FOXP1: variants seen among roughly 807,000 people sequenced by gnomAD.
The protein encoded by FOXP1 is forkhead box P1.
Under a neutral mutation model 98.2 loss-of-function variants are expected in FOXP1, and 15 were observed. The observed-to-expected ratio is 0.15, with a 90% CI of 0.10 to 0.24. The LOEUF (loss-of-function observed/expected upper bound fraction) is 0.24. FOXP1 is among the 10% of genes least tolerant of loss of function. The pLI is 1.00. For missense variants in FOXP1, 633 were observed against 848.5 expected, an observed-to-expected ratio of 0.75 and a Z score of 3.15; for synonymous variants, 371 against 314.5, an observed-to-expected ratio of 1.18 and a Z score of -1.90.
intron 4 of FOXP1, among the ~76,000 whole-genome samples, chr3:71,343,007 AGAG>A (rs1438706425): frequency 6.6e-6 from 1 of 152,240 alleles, no homozygotes; most frequent in East Asian, 1.9e-4. Flanking sequence ...GAAGGTGGTA[AGAG>A]GAGCTACTTC....
chr3:71,542,070 A>G (rs761984938), intron 2 of FOXP1: 3 of 528,902 alleles, frequency 5.7e-6, no homozygotes, highest in Non-Finnish European at 1.2e-5. Context: ...AAAACATTAA[A>G]CTGGCTTATA....
chr3:71,064,158 C>A (rs192123329), intron 7 of FOXP1, among the ~76,000 whole-genome samples: 161 of 152,312 alleles, frequency 1.1e-3, no homozygotes, highest in African/African-American at 3.7e-3. Context: ...TCCATTCGCT[C>A]GCTCGCCTGC....
chr3:71,129,016 T>G (rs1417327941), intron 6 of FOXP1, among the ~76,000 whole-genome samples: 3 of 152,148 alleles, frequency 2.0e-5, no homozygotes, highest in Non-Finnish European at 4.4e-5. Context: ...TGGTCACATG[T>G]TTATTTGCTT....
intron 6 of FOXP1, among the ~76,000 whole-genome samples, chr3:71,143,430 G>A (rs1199217382): frequency 1.3e-5 from 2 of 152,140 alleles, no homozygotes; most frequent in Admixed American, 1.3e-4. Context: ...TCCCCTCTTT[G>A]TTGCACAGTC....
intron 2 of FOXP1, among the ~76,000 whole-genome samples, chr3:71,553,352 G>A (rs2045908027): frequency 6.6e-6 from 1 of 152,142 alleles, no homozygotes; most frequent in South Asian, 2.1e-4. Context: ...TTTGGATGCT[G>A]CAAAATTGTA....
chr3:71,129,974 G>A (rs779059811), intron 6 of FOXP1, among the ~76,000 whole-genome samples: 11 of 152,122 alleles, frequency 7.2e-5, no homozygotes, highest in Non-Finnish European at 1.3e-4. Context: ...GATAATGACC[G>A]TGCGTGTTTC....
Position 70,957,803 on chromosome 3 carries a change from TG to T in FOXP1, c.*1443del, listed in dbSNP as rs2032178793. On this transcript the variant is annotated 3_prime_UTR_variant, in exon 21 of 21. Coordinates refer to ENST00000649528, the MANE Select transcript of FOXP1 (RefSeq NM_001349338.3). ...GCATAACAAACTGCAGTACCAAATT[TG>T]CATATTTGAAATTAACACTTTAGCA... 4.3e-6 allele frequency: 1 copy of T among 233,854 alleles called. No individual in the cohort carries two copies. The highest frequency in any genetic ancestry group is 1.8e-4 in the South Asian group (1 of 5,566). The allele number at this position is 233,854 out of a possible 1,614,324, so 14.5% of individuals were successfully genotyped here. A position where few individuals can be genotyped will look rare whatever the true frequency, so the allele number is the denominator to read the frequency against.
At chr3:71,308,624 A>C (rs2074448146) in intron 4 of FOXP1, among the ~76,000 whole-genome samples, 1 of 152,194 alleles carries the variant, frequency 6.6e-6, no homozygotes, top group African/African-American at 2.4e-5. Context: ...ATCTGTGCAC[A>C]ACAGGAGAAT....
At chr3:71,062,755 A>G (rs2051716701) in intron 7 of FOXP1, among the ~76,000 whole-genome samples, 1 of 152,230 alleles carries the variant, frequency 6.6e-6, no homozygotes. Flanking sequence ...GGCAGGAAAC[A>G]AAGTTCTTAA....
At chr3:70,990,929 CCTT>C (rs1476051401) in intron 13 of FOXP1, among the ~76,000 whole-genome samples, 1 of 152,178 alleles carries the variant, frequency 6.6e-6, no homozygotes, top group African/African-American at 2.4e-5. Context: ...CCAAGTTTCT[CCTT>C]CTAAATACGG....
chr3:71,565,165 A>G (rs940155510), intron 2 of FOXP1, among the ~76,000 whole-genome samples: 1 of 152,148 alleles, frequency 6.6e-6, no homozygotes, highest in Non-Finnish European at 1.5e-5. Context: ...ACAGATACCA[A>G]TGTCTTCTGT....
chr3:71,105,995 G>A (rs1217409136), intron 7 of FOXP1, among the ~76,000 whole-genome samples: 1 of 152,130 alleles, frequency 6.6e-6, no homozygotes, highest in Non-Finnish European at 1.5e-5. Context: ...TAAAAAGAGA[G>A]GCAATAATTA....
At chr3:71,529,328 G>A (rs1372606885) in intron 2 of FOXP1, among the ~76,000 whole-genome samples, 2 of 152,200 alleles carry the variant, frequency 1.3e-5, no homozygotes, top group South Asian at 4.1e-4. Flanking sequence ...TCTTACCCAA[G>A]TCTCTTTGCC....
At chr3:70,971,073 C>T (rs892351243) in intron 18 of FOXP1, 1 of 440,138 alleles carries the variant, frequency 2.3e-6, no homozygotes, top group African/African-American at 2.0e-5. Flanking sequence ...CTCCAGAGAC[C>T]TCTCTGCAGA....
At chr3:71,385,305 T>C (rs375883387) in intron 3 of FOXP1, among the ~76,000 whole-genome samples, 1 of 152,216 alleles carries the variant, frequency 6.6e-6, no homozygotes, top group East Asian at 1.9e-4. Context: ...AACTGTATTA[T>C]AAATCACCTA....
intron 6 of FOXP1, among the ~76,000 whole-genome samples, chr3:71,193,619 T>C (rs538228780): frequency 2.3e-4 from 35 of 152,162 alleles, no homozygotes; most frequent in Non-Finnish European, 4.7e-4. Context: ...CAGCTAATTT[T>C]TGTATTTTTA....
At chr3:71,147,183 T>G (rs2060351646) in intron 6 of FOXP1, among the ~76,000 whole-genome samples, 1 of 152,222 alleles carries the variant, frequency 6.6e-6, no homozygotes, top group Non-Finnish European at 1.5e-5. Context: ...AACCCTCTCT[T>G]TGCTTCCCTT....
chr3:71,439,713 G>A (rs2085729046), intron 3 of FOXP1, among the ~76,000 whole-genome samples: 1 of 152,198 alleles, frequency 6.6e-6, no homozygotes, highest in Non-Finnish European at 1.5e-5. Context: ...GGAGGCCGAG[G>A]TAGGCAGGTC....
intron 19 of FOXP1, among the ~76,000 whole-genome samples, chr3:70,967,993 T>C (rs1335508521): frequency 1.3e-5 from 2 of 152,170 alleles, no homozygotes; most frequent in Admixed American, 6.5e-5. Flanking sequence ...TGGGATGAGT[T>C]TGTCATCCTC....
Sources: gnomAD v4.1 joint callset for allele counts (sites outside exome capture counted in the v4.1 genomes callset) on GRCh38, gnomAD v4.1.1 for gene constraint, MANE v1.5 for transcripts, NCBI Gene and HGNC (gene_info 2026-07-23, HGNC 2026-07-21) for gene names.